Variants in SORCS2 observed in about 807,000 individuals in gnomAD.
SORCS2 encodes the protein VPS10 domain-containing receptor SorCS2.
SORCS2 carries 100 observed loss-of-function variants against 141.6 expected under a neutral mutation model. The observed-to-expected ratio is 0.71, with a 90% CI of 0.60 to 0.83. SORCS2 has a LOEUF of 0.83. Ranked by LOEUF, SORCS2 falls within the 40% of genes least tolerant of loss-of-function variation. The probability of loss-of-function intolerance (pLI) is 0.00; values close to 1 mark genes in which losing one functional copy is unlikely to be tolerated. For missense variants in SORCS2, 1,646 were observed against 1,560.2 expected (o/e 1.05, Z -0.93); for synonymous variants, 789 against 676.9 (o/e 1.17, Z -2.57).
intron 3 of SORCS2, among the ~76,000 whole-genome samples, chr4:7,589,093 C>T (rs1313428545): frequency 6.6e-6 from 1 of 152,056 alleles, no homozygotes; most frequent in Non-Finnish European, 1.5e-5. Flanking sequence ...AGGTGTGGGG[C>T]GAAGGGGTTC....
Position 7,678,359 on chromosome 4 carries a change from G to GC in SORCS2, c.1341+2133dup, listed in dbSNP as rs766462660. Among the ~76,000 whole-genome samples the GC allele has an allele frequency of 2.5e-3, 375 of 151,604 alleles. 1 individual carries two copies. The highest frequency in any genetic ancestry group is 3.9e-3 in the Non-Finnish European group (267 of 67,884). On this transcript the variant is annotated intron_variant, in intron 9 of 26. Transcript: ENST00000507866. The stretch of plus-strand genomic sequence containing the variant: ...GACACCCACCGTCCACCAGCTGGGT[G>GC]CCCTCCCAAGGGATGGCCCTTCTCT...
chr4:7,230,294 A>T (rs553287013), intron 1 of SORCS2, among the ~76,000 whole-genome samples: 2 of 108,662 alleles, frequency 1.8e-5, no homozygotes, highest in South Asian at 6.8e-4. Context: ...TCATGTGCTC[A>T]TGTATGAAGG....
chr4:7,440,027 A>G (rs945396513), intron 2 of SORCS2, among the ~76,000 whole-genome samples: 1 of 152,206 alleles, frequency 6.6e-6, no homozygotes, highest in African/African-American at 2.4e-5. Flanking sequence ...TCACCCCTTC[A>G]GAAAATGCAG....
intron 1 of SORCS2, among the ~76,000 whole-genome samples, chr4:7,227,384 G>A (rs989527863): frequency 6.6e-5 from 10 of 152,212 alleles, no homozygotes; most frequent in Non-Finnish European, 1.5e-4. Flanking sequence ...CGAGGCGAGG[G>A]AGCCGCTTTC....
intron 1 of SORCS2, among the ~76,000 whole-genome samples, chr4:7,302,809 T>TGTGCGTGTGTGTGTG (rs1553833478): frequency 1.2e-5 from 1 of 81,348 alleles, no homozygotes; most frequent in Non-Finnish European, 3.1e-5. Context: ...GTGTGTGTGT[T>TGTGCGTGTGTGTGTG]TGTAGGAGTG....
Position 7,740,897 on chromosome 4 carries a change from G to A in SORCS2, c.*633G>A. The A allele has an allele frequency of 2.5e-6, 1 of 397,978 alleles. No individual in the cohort carries two copies. The highest frequency in any genetic ancestry group is 4.4e-6 in the Non-Finnish European group (1 of 226,322). The allele number at this position is 397,978 out of a possible 1,614,324, so 24.7% of individuals were successfully genotyped here. A position where few individuals can be genotyped will look rare whatever the true frequency, so the allele number is the denominator to read the frequency against. ...TCTTTATAGCCGGCGGTAGCCACCG[G>A]GGTGGCTCTGTCAGAGTTCCGTACT... On this transcript the variant is annotated 3_prime_UTR_variant, in exon 27 of 27. Coordinates refer to ENST00000507866, the MANE Select transcript of SORCS2 (RefSeq NM_020777.3).
At chr4:7,592,893 C>G (rs1217663907) in intron 3 of SORCS2, among the ~76,000 whole-genome samples, 1 of 152,210 alleles carries the variant, frequency 6.6e-6, no homozygotes, top group African/African-American at 2.4e-5. Context: ...AGTTGTAAAG[C>G]AAATGCTAAT....
chr4:7,646,695 C>T (rs189338933), intron 4 of SORCS2, among the ~76,000 whole-genome samples: 1 of 152,152 alleles, frequency 6.6e-6, no homozygotes, highest in Non-Finnish European at 1.5e-5. Flanking sequence ...AGGGAGAAGG[C>T]GGCGTTTGCA....
At chr4:7,318,278 C>G (rs937756373) in intron 1 of SORCS2, among the ~76,000 whole-genome samples, 9 of 152,126 alleles carry the variant, frequency 5.9e-5, no homozygotes, top group African/African-American at 1.9e-4. Flanking sequence ...GGTGCTGCAC[C>G]CTGGTCACCT....
At chr4:7,486,422 G>A (rs755545467) in intron 2 of SORCS2, among the ~76,000 whole-genome samples, 7 of 108,344 alleles carry the variant, frequency 6.5e-5, no homozygotes, top group Non-Finnish European at 1.2e-4. Context: ...CGACCCCCTG[G>A]CCCTGGACAG....
chr4:7,621,565 G>T (rs553829891), intron 3 of SORCS2, among the ~76,000 whole-genome samples: 7 of 152,054 alleles, frequency 4.6e-5, no homozygotes, highest in African/African-American at 1.7e-4. Flanking sequence ...TTGTGTGTCT[G>T]TGTGTGTATA....
At chr4:7,495,555 G>A (rs981893159) in intron 2 of SORCS2, among the ~76,000 whole-genome samples, 13 of 152,256 alleles carry the variant, frequency 8.5e-5, no homozygotes, top group South Asian at 4.1e-4. Context: ...TGGCACCCTC[G>A]TCAGGCCCCA....
At chr4:7,537,592 C>T (rs1712236106) in intron 3 of SORCS2, among the ~76,000 whole-genome samples, 2 of 152,148 alleles carry the variant, frequency 1.3e-5, no homozygotes, top group Non-Finnish European at 2.9e-5. Context: ...TGCACTGGGT[C>T]CCTTGCTGGG....
chr4:7,585,446 C>T (rs1716476066), intron 3 of SORCS2, among the ~76,000 whole-genome samples: 3 of 152,192 alleles, frequency 2.0e-5, no homozygotes, highest in African/African-American at 7.2e-5. Flanking sequence ...GACCTGGTCC[C>T]CTGTGTCAGG....
intron 12 of SORCS2, among the ~76,000 whole-genome samples, chr4:7,701,416 T>G (rs1237402058): frequency 6.6e-6 from 1 of 152,120 alleles, no homozygotes; most frequent in African/African-American, 2.4e-5. Context: ...GGCAGCCGAC[T>G]GTGATAACCA....
intron 1 of SORCS2, among the ~76,000 whole-genome samples, chr4:7,251,652 AG>A (rs1432748739): frequency 1.3e-5 from 2 of 152,198 alleles, no homozygotes; most frequent in Admixed American, 6.5e-5. Context: ...TGGGTATGAT[AG>A]GATCTGCCAC....
chr4:7,533,031 C>T (rs1711791365), intron 3 of SORCS2, among the ~76,000 whole-genome samples: 1 of 151,452 alleles, frequency 6.6e-6, no homozygotes. Flanking sequence ...CAGCCCCAGC[C>T]CTGGGGATTC....
At chr4:7,410,211 C>T (rs144122523) in intron 2 of SORCS2, among the ~76,000 whole-genome samples, 10 of 152,332 alleles carry the variant, frequency 6.6e-5, no homozygotes, top group African/African-American at 2.4e-4. Flanking sequence ...AAAGAGCTGT[C>T]ATGCTGATTA....
intron 1 of SORCS2, among the ~76,000 whole-genome samples, chr4:7,284,023 A>G (rs142424760): frequency 2.5e-3 from 374 of 152,282 alleles, no homozygotes; most frequent in Non-Finnish European, 4.3e-3. Context: ...CAACGTTACT[A>G]CAGCGTCTGA....
Sources: allele counts gnomAD v4.1 joint callset (sites outside exome capture counted in the v4.1 genomes callset), GRCh38; gene constraint gnomAD v4.1.1; transcripts MANE v1.5; gene names NCBI Gene and HGNC (gene_info 2026-07-23, HGNC 2026-07-21).